The following OCRL variants were observed in gnomAD, a reference collection of about 807,000 sequenced individuals.
The protein encoded by OCRL is inositol polyphosphate 5-phosphatase OCRL.
A neutral mutation model predicts 78.9 loss-of-function variants in OCRL; 8 were observed. The observed-to-expected ratio is 0.10, with a 90% confidence interval of 0.06 to 0.18. The LOEUF (loss-of-function observed/expected upper bound fraction) is 0.18. Ranked by LOEUF, OCRL falls within the 10% of genes least tolerant of loss-of-function variation. The pLI is 1.00. For missense variants in OCRL, 454 were observed against 696.7 expected, an observed-to-expected ratio of 0.65 and a Z score of 3.92; for synonymous variants, 240 against 235.4, an observed-to-expected ratio of 1.02 and a Z score of -0.18.
chrX:129,580,475 G>C (rs1183588026), intron 18 of OCRL, among the ~76,000 whole-genome samples: 1 of 112,231 alleles, frequency 8.9e-6, no homozygotes, highest in Non-Finnish European at 1.9e-5. Flanking sequence ...AGAACCATCA[G>C]AAGGGTTTGC....
chrX:129,551,669 C>T (rs1364663329), intron 4 of OCRL, among the ~76,000 whole-genome samples: 2 of 112,401 alleles, frequency 1.8e-5, no homozygotes, highest in Non-Finnish European at 3.8e-5. Context: ...CTCTTGACCT[C>T]GTGATCTGCC....
At chrX:129,563,971 C>T (rs202205928) in intron 12 of OCRL, among the ~76,000 whole-genome samples, 2,954 of 108,021 alleles carry the variant, frequency 0.027, 116 homozygotes, top group East Asian at 0.2. Flanking sequence ...TCGCAACCTA[C>T]TCATCTGACA....
In OCRL at chrX:129,590,519, A is replaced by T. The variant is rs961337817; in HGVS notation, c.*249A>T. 12 of 367,371 alleles carry T rather than the reference A, an allele frequency of 3.3e-5. No homozygotes were observed. Among genetic ancestry groups the T allele is most frequent in the Non-Finnish European group, 4.8e-5 (10 of 209,372 alleles). The allele number at this position is 367,371 out of a possible 1,213,427, so 30.3% of individuals were successfully genotyped here. On this transcript the variant is annotated 3_prime_UTR_variant, in exon 24 of 24. Transcript: ENST00000371113. ...TTTGTGTTTTCTCTTTATAAGGCAA[A>T]AAGATCTGTATTTACACTCCTTCAC...
intron 12 of OCRL, among the ~76,000 whole-genome samples, chrX:129,563,748 A>G (rs953931964): frequency 1.2e-4 from 13 of 111,820 alleles, no homozygotes; most frequent in Admixed American, 1.9e-4. Flanking sequence ...AAAGAAATTA[A>G]TATACCTAAA....
intron 8 of OCRL, among the ~76,000 whole-genome samples, chrX:129,559,206 T>A (rs184902308): frequency 9.0e-6 from 1 of 111,629 alleles, no homozygotes; most frequent in African/African-American, 3.3e-5. Flanking sequence ...TGGATTTTCT[T>A]TTTTTGTGTG....
intron 19 of OCRL, among the ~76,000 whole-genome samples, chrX:129,586,557 G>A (rs1307330874): frequency 8.9e-6 from 1 of 112,198 alleles, no homozygotes; most frequent in Non-Finnish European, 1.9e-5. Context: ...TCTGTGGTAA[G>A]ACCTGAAGGA....
intron 22 of OCRL, 103 bp downstream of exon 22, chrX:129,589,116 G>A: frequency 8.7e-6 from 8 of 915,181 alleles, no homozygotes; most frequent in Non-Finnish European, 1.3e-5. Flanking sequence ...GGTAGGATGG[G>A]TCTGCATCTG....
At chrX:129,572,145 C>A (rs1936310244) in intron 15 of OCRL, among the ~76,000 whole-genome samples, 2 of 112,270 alleles carry the variant, frequency 1.8e-5, no homozygotes, top group African/African-American at 6.5e-5. Flanking sequence ...CTGGACAGTG[C>A]AGTTCTAGAC....
chrX:129,548,592 G>C lies in OCRL; in HGVS notation c.229G>C (p.Ala77Pro). ...AGAAGAAACTCTTTTGATTGACATA[G>C]CTTCTAACAGTGAGTATCTTTCTGA... The part of the protein sequence containing the change: ...EAEETLLIDI[A>P]SNSGCKIRVQ... Residue 77 changes from alanine to proline, a missense_variant, in exon 4 of 24, where the codon GCT becomes CCT. By Grantham distance (27) the Ala-to-Pro change is conservative. Transcript: ENST00000371113. 3 of 1,196,154 alleles carry C rather than the reference G, an allele frequency of 2.5e-6. No homozygotes were observed. Among genetic ancestry groups the C allele is most frequent in the East Asian group, 5.9e-5 (2 of 33,691 alleles).
At chrX:129,578,720 C>G (rs1337391809) in intron 18 of OCRL, among the ~76,000 whole-genome samples, 1 of 110,945 alleles carries the variant, frequency 9.0e-6, no homozygotes, top group Non-Finnish European at 1.9e-5. Context: ...CAGAAAGGAA[C>G]CAAAATCATT....
intron 22 of OCRL, chrX:129,589,429 T>C (rs1936559128): frequency 3.7e-6 from 1 of 273,212 alleles, no homozygotes; most frequent in Non-Finnish European, 6.6e-6. Flanking sequence ...TGAATTGGAC[T>C]AGTGAGTATT....
chrX:129,576,486 C>A lies in OCRL; in HGVS notation c.2049C>A (p.Ser683=). ...GNYLPSCFGT[S]LEALCRMKRP... is the part of the protein sequence containing the mutation. Reference sequence around the variant, plus strand: ...ACCTCCCAAGTTGTTTTGGCACATCCTTAGAGGCTCTGTGCCGTATGAAAA... The same window carrying A: ...ACCTCCCAAGTTGTTTTGGCACATCATTAGAGGCTCTGTGCCGTATGAAAA... Residue 683 remains serine (S), a synonymous_variant, in exon 18 of 24, where the codon TCC becomes TCA. Transcript: ENST00000371113. 8.3e-7 allele frequency: 1 copy of A among 1,211,466 alleles called. No individual in the cohort carries two copies. Among genetic ancestry groups the A allele is most frequent in the African/African-American group, 1.7e-5 (1 of 57,854 alleles).
chrX:129,563,528 CAT>C (rs1041743003), intron 12 of OCRL, among the ~76,000 whole-genome samples: 3 of 111,477 alleles, frequency 2.7e-5, no homozygotes, highest in African/African-American at 9.8e-5. Flanking sequence ...CAAACACACA[CAT>C]AGGTACTTGG....
In OCRL at chrX:129,566,613, G is replaced by A. The variant is rs6637621; in HGVS notation, c.1357-641G>A. On this transcript the variant is annotated intron_variant, in intron 13 of 23. Coordinates refer to ENST00000371113, the MANE Select transcript of OCRL (RefSeq NM_000276.4). The stretch of plus-strand genomic sequence containing the variant: ...GGAGGAAAATGTTTTGACTTCATTC[G>A]AATAATCTTTAAATCGTTATGAGAG... Among the ~76,000 whole-genome samples, 40 of 112,300 alleles carry A rather than the reference G, an allele frequency of 3.6e-4. 1 individual carries two copies. The East Asian group carries it at 9.5e-3, about 27-fold the overall frequency.
intron 10 of OCRL, among the ~76,000 whole-genome samples, chrX:129,561,947 C>A (rs1210949846): frequency 8.9e-6 from 1 of 111,933 alleles, no homozygotes; most frequent in African/African-American, 3.2e-5. Context: ...ATATCTCAGA[C>A]ATATTTCTAG....
chrX:129,558,807 A>G (rs757668596), intron 7 of OCRL, 33 bp from the exon 8 acceptor site: 57 of 1,210,576 alleles, frequency 4.7e-5, no homozygotes, highest in African/African-American at 1.6e-4. Context: ...AGTTTAAACA[A>G]TTTTACTTTT....
chrX:129,565,307 A>T (rs1754445956), intron 12 of OCRL, among the ~76,000 whole-genome samples: 1 of 111,661 alleles, frequency 9.0e-6, no homozygotes, highest in Admixed American at 9.4e-5. Flanking sequence ...AGAGCCCTGG[A>T]CCTACTTTTC....
intron 15 of OCRL, among the ~76,000 whole-genome samples, chrX:129,569,737 G>A (rs1171257980): frequency 9.0e-6 from 1 of 110,853 alleles, no homozygotes; most frequent in African/African-American, 3.3e-5. Flanking sequence ...GATTCTGGGT[G>A]GAAGGGTAGA....
At chrX:129,564,482 C>T (rs1469486453) in intron 12 of OCRL, among the ~76,000 whole-genome samples, 2 of 110,627 alleles carry the variant, frequency 1.8e-5, no homozygotes, top group Non-Finnish European at 3.8e-5. Context: ...AAATGTCCAA[C>T]AATGATAGAC....
Sources: gnomAD v4.1 joint callset for allele counts (sites outside exome capture counted in the v4.1 genomes callset) on GRCh38, gnomAD v4.1.1 for gene constraint, MANE v1.5 for transcripts, NCBI Gene and HGNC (gene_info 2026-07-23, HGNC 2026-07-21) for gene names.